The following RBMS3 variants were observed in gnomAD, a reference collection of about 807,000 sequenced individuals.
The protein encoded by RBMS3 is RNA binding motif single stranded interacting protein 3.
Under a neutral mutation model 66.8 loss-of-function variants are expected in RBMS3, and 27 were observed. That is an observed-to-expected ratio of 0.40 (90% CI 0.30 to 0.56). The LOEUF (loss-of-function observed/expected upper bound fraction) is 0.56. Ranked by LOEUF, RBMS3 falls within the 20% of genes least tolerant of loss-of-function variation. RBMS3 has a pLI of 0.40. For missense variants in RBMS3, 513 were observed against 549.5 expected (o/e 0.93, Z 0.66); for synonymous variants, 188 against 183.0 (o/e 1.03, Z -0.22).
At chr3:29,954,042 C>G (rs1000168480) in intron 12 of RBMS3, among the ~76,000 whole-genome samples, 1 of 151,748 alleles carries the variant, frequency 6.6e-6, no homozygotes, top group Non-Finnish European at 1.5e-5. Flanking sequence ...GCATTGATTG[C>G]CCTCTATCCC....
intron 4 of RBMS3, among the ~76,000 whole-genome samples, chr3:29,602,959 G>A (rs570857902): frequency 3.3e-5 from 5 of 151,078 alleles, no homozygotes; most frequent in Admixed American, 1.3e-4. Flanking sequence ...TCTAGGTCAC[G>A]TTCCCCTTTT....
chr3:29,862,538 A>C (rs1341227203), intron 6 of RBMS3, among the ~76,000 whole-genome samples: 1 of 152,116 alleles, frequency 6.6e-6, no homozygotes, highest in Non-Finnish European at 1.5e-5. Flanking sequence ...AGCTGGCCAA[A>C]TACACACTAG....
chr3:29,913,755 T>C (rs2060573208), intron 10 of RBMS3, among the ~76,000 whole-genome samples: 1 of 151,950 alleles, frequency 6.6e-6, no homozygotes, highest in Admixed American at 6.6e-5. Context: ...TGCATAACAA[T>C]GTTGTATATT....
At chr3:29,983,130 CTTG>C (rs1436216516) in intron 12 of RBMS3, among the ~76,000 whole-genome samples, 1 of 151,916 alleles carries the variant, frequency 6.6e-6, no homozygotes, top group African/African-American at 2.4e-5. Context: ...ATTAGCTCTT[CTTG>C]TTGTATTGAT....
chr3:29,943,839 G>A (rs377315836), intron 11 of RBMS3, among the ~76,000 whole-genome samples: 257 of 151,344 alleles, frequency 1.7e-3, no homozygotes, highest in South Asian at 5.4e-3. Context: ...ACTTTGTTTC[G>A]TATCATGCTC....
At chr3:29,700,959 G>C (rs894643634) in intron 4 of RBMS3, among the ~76,000 whole-genome samples, 1 of 152,066 alleles carries the variant, frequency 6.6e-6, no homozygotes, top group African/African-American at 2.4e-5. Context: ...GAAAGGGCCT[G>C]GACTTGAAGG....
chr3:29,884,522 A>G (rs776260720), intron 8 of RBMS3, among the ~76,000 whole-genome samples: 15 of 135,050 alleles, frequency 1.1e-4, no homozygotes, highest in Non-Finnish European at 1.5e-4. Context: ...GAGAACAGGT[A>G]AAGCTAGGCT....
chr3:29,570,862 A>T (rs2046927479), intron 3 of RBMS3, among the ~76,000 whole-genome samples: 1 of 152,156 alleles, frequency 6.6e-6, no homozygotes, highest in African/African-American at 2.4e-5. Context: ...TTTCTGTATC[A>T]TATGGTAGCT....
In RBMS3 at chr3:29,613,020, G is replaced by C. The variant is rs542841588; in HGVS notation, c.399+25815G>C. 2.0e-5 allele frequency among the ~76,000 whole-genome samples: 3 copies of C among 152,158 alleles called. No homozygotes were observed. In the East Asian group the frequency reaches 5.8e-4, roughly 29 times the overall value. On this transcript the variant is annotated intron_variant, in intron 4 of 14. Coordinates refer to ENST00000383767, the MANE Select transcript of RBMS3 (RefSeq NM_001003793.3). ...CTTCTCTATCTGCCTTGCCTTATTA[G>C]CACCAGGGCTGCATTCGTGTGTGTA...
chr3:29,334,454 T>C (rs1376116484), intron 1 of RBMS3, among the ~76,000 whole-genome samples: 1 of 152,122 alleles, frequency 6.6e-6, no homozygotes, highest in African/African-American at 2.4e-5. Flanking sequence ...TACTCTCGTG[T>C]CTCTATATTT....
chr3:29,473,875 G>C (rs778799242), intron 2 of RBMS3, among the ~76,000 whole-genome samples: 1 of 152,230 alleles, frequency 6.6e-6, no homozygotes, highest in East Asian at 1.9e-4. Context: ...GTTCCCGCTC[G>C]CGCCTCTCCC....
intron 4 of RBMS3, among the ~76,000 whole-genome samples, chr3:29,600,833 G>A (rs1344147342): frequency 6.6e-6 from 1 of 151,966 alleles, no homozygotes; most frequent in African/African-American, 2.4e-5. Flanking sequence ...GGGAAGTGGG[G>A]TCATTTTTTT....
At chr3:29,962,312 G>A (rs1012275427) in intron 12 of RBMS3, among the ~76,000 whole-genome samples, 3 of 151,418 alleles carry the variant, frequency 2.0e-5, no homozygotes, top group African/African-American at 4.9e-5. Context: ...CAGTACCTTC[G>A]CATAGTATGT....
At chr3:29,950,415 T>C (rs1695605180) in intron 12 of RBMS3, among the ~76,000 whole-genome samples, 1 of 151,840 alleles carries the variant, frequency 6.6e-6, no homozygotes, top group Admixed American at 6.6e-5. Context: ...AACAATGGAC[T>C]TTAAAGTAAG....
chr3:29,834,168 C>T (rs1439881708), intron 6 of RBMS3, among the ~76,000 whole-genome samples: 1 of 152,014 alleles, frequency 6.6e-6, no homozygotes, highest in Non-Finnish European at 1.5e-5. Context: ...GGAAGTTCAC[C>T]ACCATTATAC....
At chr3:29,837,413 T>C (rs2058540626) in intron 6 of RBMS3, among the ~76,000 whole-genome samples, 1 of 151,660 alleles carries the variant, frequency 6.6e-6, no homozygotes, top group Non-Finnish European at 1.5e-5. Flanking sequence ...GTTATACATT[T>C]AGAACATTTA....
chr3:29,700,811 G>C (rs1467148598), intron 4 of RBMS3, among the ~76,000 whole-genome samples: 2 of 151,868 alleles, frequency 1.3e-5, no homozygotes, highest in Non-Finnish European at 2.9e-5. Flanking sequence ...AGAGAAATTA[G>C]AGAGCTGCAA....
At chr3:29,668,776 C>G (rs753141117) in intron 4 of RBMS3, among the ~76,000 whole-genome samples, 1 of 152,206 alleles carries the variant, frequency 6.6e-6, no homozygotes, top group Non-Finnish European at 1.5e-5. Context: ...CCTTGATATC[C>G]TTTTGCCTGT....
intron 4 of RBMS3, among the ~76,000 whole-genome samples, chr3:29,668,446 C>T (rs1326834011): frequency 6.6e-6 from 1 of 152,186 alleles, no homozygotes; most frequent in Non-Finnish European, 1.5e-5. Context: ...AGCAGCTAAA[C>T]TGGAACTGCA....
Sources: gnomAD v4.1 joint callset for allele counts (sites outside exome capture counted in the v4.1 genomes callset) on GRCh38, gnomAD v4.1.1 for gene constraint, MANE v1.5 for transcripts, NCBI Gene and HGNC (gene_info 2026-07-23, HGNC 2026-07-21) for gene names.